STAT4: variants seen among roughly 807,000 people sequenced by gnomAD.
STAT4 encodes the protein signal transducer and activator of transcription 4.
In STAT4, 42 loss-of-function variants were observed where a neutral mutation model predicts 110.5. That is an observed-to-expected ratio of 0.38 (90% CI 0.30 to 0.49). The LOEUF is 0.49. Among genes scored for constraint, STAT4 ranks in the 20% least tolerant of loss-of-function variants. The pLI is 0.95. For missense variants in STAT4, 632 were observed against 887.9 expected (o/e 0.71, Z 3.66); for synonymous variants, 284 against 302.2 (o/e 0.94, Z 0.63).
rs1696033463 is a variant in STAT4, at chr2:191,036,023, T to C, written c.1570+141A>G. The stretch of plus-strand genomic sequence containing the variant: ...GAATTAAAAATAATATAACACTTAG[T>C]TCTGTGCCTGGCAATATAGTAGGCA... On this transcript the variant is annotated intron_variant, in intron 17 of 23. Transcript: ENST00000392320. The C allele has an allele frequency of 7.6e-6, 8 of 1,051,956 alleles. No individual in the cohort carries two copies. In the Admixed American group the frequency reaches 2.3e-4, roughly 30 times the overall value. 65.2% of individuals were successfully genotyped at this position (1,051,956 alleles called of 1,614,324 possible).
In STAT4 at chr2:191,146,045, G is replaced by C. The variant is rs12327969; in HGVS notation, c.273+568C>G. ...CCTCAAGGAACTCATGATAGGGAGAGAAGTCAAACACATAGAAATAGCAAT... is the reference window on the plus strand; with the variant it reads ...CCTCAAGGAACTCATGATAGGGAGACAAGTCAAACACATAGAAATAGCAAT... On this transcript the variant is annotated intron_variant, in intron 3 of 23. Transcript: ENST00000392320. This position sits in a 1 kb window ranked among gnomAD's most constrained non-coding sequence, Gnocchi z 4.5. 0.27 allele frequency among the ~76,000 whole-genome samples: 41,416 copies of C among 152,074 alleles called. 6,449 individuals are homozygous for C. Among genetic ancestry groups the C allele is most frequent in the African/African-American group, 0.42 (17,365 of 41,460 alleles).
intron 18 of STAT4, among the ~76,000 whole-genome samples, 171 bp from the exon 19 acceptor site, chr2:191,034,176 A>C (rs1695977256): frequency 6.6e-6 from 1 of 152,172 alleles, no homozygotes; most frequent in African/African-American, 2.4e-5. Flanking sequence ...TAATCCCAGC[A>C]CTTTGGGAGG....
rs1210136442 is a variant in STAT4, at chr2:191,066,480, C to T, written c.580G>A (p.Glu194Lys). The T allele has an allele frequency of 6.2e-7, 1 of 1,613,488 alleles. No homozygotes were observed. The highest frequency in any genetic ancestry group is 8.5e-7 in the Non-Finnish European group (1 of 1,179,666). ...SDKNSAMVNQ[E>K]VLTLQEMLNS... The stretch of plus-strand genomic sequence containing the variant: ...AGCATTTCCTGCAGTGTCAAAACTT[C>T]CTGATTCACCATGGCACTATTCTTG... Residue 194 changes from glutamate to lysine, a missense_variant, in exon 7 of 24, where the codon GAA becomes AAA. By Grantham distance (56) the Glu-to-Lys change is moderately conservative (BLOSUM62 1). Coordinates refer to ENST00000392320, the MANE Select transcript of STAT4 (RefSeq NM_003151.4). This position sits in a 1 kb window ranked among gnomAD's most constrained non-coding sequence, Gnocchi z 4.3.
Position 191,030,796 on chromosome 2 carries a change from A to G in STAT4, c.2220+176T>C. The G allele has an allele frequency of 3.5e-6, 2 of 574,784 alleles. No homozygotes were observed. The highest frequency in any genetic ancestry group is 2.1e-5 in the South Asian group (1 of 48,496). The allele number at this position is 574,784 out of a possible 1,614,324, so 35.6% of individuals were successfully genotyped here. A position where few individuals can be genotyped will look rare whatever the true frequency, so the allele number is the denominator to read the frequency against. ...CTGAAGGTGTCTGCTTTCAATACGC[A>G]TAATATCAGCAACACGCAGGACCAT... On this transcript the variant is annotated intron_variant, in intron 23 of 23. Coordinates refer to ENST00000392320, the MANE Select transcript of STAT4 (RefSeq NM_003151.4). The surrounding 1 kb of genome is among the most constrained non-coding windows in gnomAD (Gnocchi z 4.4).
intron 14 of STAT4, 79 bp downstream of exon 14, chr2:191,054,410 AG>A: frequency 8.8e-7 from 1 of 1,140,856 alleles, no homozygotes; most frequent in African/African-American, 1.6e-5. Context: ...TATGAAGTCA[AG>A]CAGTTTAAAA....
Position 191,062,747 on chromosome 2 carries a change from T to C in STAT4, c.941+15A>G, listed in dbSNP as rs116152358. 3.7e-6 allele frequency: 6 copies of C among 1,612,888 alleles called. No homozygotes were observed. In the African/African-American group the frequency reaches 6.7e-5, roughly 18 times the overall value. ...TTCACAGAATGGAGGATGCCATTGA[T>C]AGCACTTCACTTACTTCTTGAAAAG... is the stretch of plus-strand genomic sequence containing the variant. On this transcript the variant is annotated intron_variant, in intron 9 of 23. Coordinates refer to ENST00000392320, the MANE Select transcript of STAT4 (RefSeq NM_003151.4). This position sits in a 1 kb window ranked among gnomAD's most constrained non-coding sequence, Gnocchi z 4.9.
At position 191,135,107 on chromosome 2, in the gene STAT4, C is replaced by T. The variant is rs982251880; in HGVS notation, c.273+11506G>A. Reference sequence around the variant, plus strand: ...ACTAAAAAAAGATACAAAGGATCAACAAAATGAAAAACTAGTTGTTTTGAA... The same window carrying T: ...ACTAAAAAAAGATACAAAGGATCAATAAAATGAAAAACTAGTTGTTTTGAA... On this transcript the variant is annotated intron_variant, in intron 3 of 23. Transcript: ENST00000392320. The surrounding 1 kb of genome is among the most constrained non-coding windows in gnomAD (Gnocchi z 4.8). 6.6e-6 allele frequency among the ~76,000 whole-genome samples: 1 copy of T among 151,470 alleles called. No individual in the cohort carries two copies. The highest frequency in any genetic ancestry group is 6.6e-5 in the Admixed American group (1 of 15,232).
chr2:191,141,014 ACAAGTGGGAGCTAAGCTATGAGGATG>A (rs1699306691), intron 3 of STAT4, among the ~76,000 whole-genome samples: 1 of 152,158 alleles, frequency 6.6e-6, no homozygotes, highest in African/African-American at 2.4e-5. Flanking sequence ...ATATGTTCTC[ACAAGTGGGAGCTAAGCTATGAGGATG>A]CAAAGGCATA....
intron 14 of STAT4, among the ~76,000 whole-genome samples, chr2:191,044,890 T>G (rs573877848): frequency 6.6e-6 from 1 of 152,294 alleles, no homozygotes; most frequent in African/African-American, 2.4e-5. Context: ...TCAGGGAAAC[T>G]ATTAAATCCA....
intron 3 of STAT4, among the ~76,000 whole-genome samples, chr2:191,084,339 T>C (rs1374059576): frequency 6.6e-6 from 1 of 152,112 alleles, no homozygotes; most frequent in Non-Finnish European, 1.5e-5. Flanking sequence ...GTTGAGCCAT[T>C]AGGATATGAT....
chr2:191,120,867 A>G (rs1230972770), intron 3 of STAT4, among the ~76,000 whole-genome samples: 1 of 152,240 alleles, frequency 6.6e-6, no homozygotes, highest in Non-Finnish European at 1.5e-5. Flanking sequence ...ATGGGCAAGG[A>G]CTTCATGTCT....
chr2:191,074,043 G>A (rs987789698), intron 4 of STAT4, among the ~76,000 whole-genome samples: 5 of 152,124 alleles, frequency 3.3e-5, no homozygotes, highest in African/African-American at 9.7e-5. Context: ...TAGAATTGGG[G>A]ATGTTGAATC....
chr2:191,058,779 G>A lies in STAT4; in HGVS notation c.1035-10C>T. ...CAATTTTATTAGTAGCCTGGAAAGA[G>A]ATATCAATAAAAAAAATCAAAGATA... is the stretch of plus-strand genomic sequence containing the variant. On this transcript the variant is annotated splice_polypyrimidine_tract_variant and intron_variant, in intron 10 of 23. Transcript: ENST00000392320. The surrounding 1 kb of genome is among the most constrained non-coding windows in gnomAD (Gnocchi z 4.3). 1.3e-6 allele frequency: 2 copies of A among 1,527,628 alleles called. No individual in the cohort carries two copies. The highest frequency in any genetic ancestry group is 1.4e-5 in the African/African-American group (1 of 72,544). 94.6% of individuals were successfully genotyped at this position (1,527,628 alleles called of 1,614,324 possible).
intron 3 of STAT4, among the ~76,000 whole-genome samples, chr2:191,106,484 G>A (rs562958979): frequency 2.0e-5 from 3 of 151,628 alleles, no homozygotes; most frequent in East Asian, 1.9e-4. Flanking sequence ...GTGAAATTTC[G>A]TCTCTACTAA....
intron 3 of STAT4, among the ~76,000 whole-genome samples, chr2:191,130,360 C>CACAAAGGAACCTTAAAAACA (rs1699001736): frequency 7.4e-5 from 11 of 147,902 alleles, no homozygotes; most frequent in African/African-American, 2.9e-4. Flanking sequence ...GTAGCTTGGA[C>CACAAAGGAACCTTAAAAACA]TACAGGCACC....
intron 15 of STAT4, among the ~76,000 whole-genome samples, chr2:191,040,813 C>T (rs1696174888): frequency 6.6e-6 from 1 of 152,232 alleles, no homozygotes; most frequent in Non-Finnish European, 1.5e-5. Flanking sequence ...ATCCACCCAC[C>T]TTGGCCTACC....
chr2:191,047,070 A>G (rs1288480513), intron 14 of STAT4, among the ~76,000 whole-genome samples: 5 of 152,164 alleles, frequency 3.3e-5, no homozygotes, highest in African/African-American at 4.8e-5. Context: ...TCAACTTTGT[A>G]ATGAACTGTA....
chr2:191,034,037 GATT>G, intron 18 of STAT4, 32 bp from the exon 19 acceptor site: 1 of 1,371,732 alleles, frequency 7.3e-7, no homozygotes, highest in Non-Finnish European at 1.0e-6. Flanking sequence ...TTAAGACAAT[GATT>G]ATTTAAGTAA....
chr2:191,128,838 GA>G (rs1698954942), intron 3 of STAT4, among the ~76,000 whole-genome samples: 2 of 152,196 alleles, frequency 1.3e-5, no homozygotes, highest in Admixed American at 6.6e-5. Context: ...AATTGATAGA[GA>G]TTTTTTTATT....
Sources: allele counts gnomAD v4.1 joint callset (sites outside exome capture counted in the v4.1 genomes callset), GRCh38; gene constraint gnomAD v4.1.1; non-coding constraint Gnocchi (gnomAD v3.1); transcripts MANE v1.5; gene names NCBI Gene and HGNC (gene_info 2026-07-23, HGNC 2026-07-21).